The following NEB variants were observed in gnomAD, a reference collection of about 807,000 sequenced individuals.
NEB encodes nemaline myopathy type 2.
A neutral mutation model predicts 952.2 loss-of-function variants in NEB; 512 were observed. That is an observed-to-expected ratio of 0.54 (90% CI 0.50 to 0.58). The LOEUF (loss-of-function observed/expected upper bound fraction) is 0.58. Among genes scored for constraint, NEB ranks in the 20% least tolerant of loss-of-function variants. NEB has a pLI of 0.00. For synonymous variants in NEB, 2,900 were observed against 3,149.8 expected, an observed-to-expected ratio of 0.92 and a Z score of 2.66; for missense variants, 8,428 against 9,231.1, an observed-to-expected ratio of 0.91 and a Z score of 3.56.
intron 143 of NEB, among the ~76,000 whole-genome samples, chr2:151,532,904 C>T (rs934259502): frequency 6.6e-6 from 1 of 152,092 alleles, no homozygotes; most frequent in East Asian, 1.9e-4. Flanking sequence ...TTATCAGAGA[C>T]ACTGTTAACC....
chr2:151,730,615 TG>T lies in NEB; in HGVS notation c.37-960del, dbSNP rs386418003. Among the ~76,000 whole-genome samples, 533 of 73,568 alleles carry T rather than the reference TG, an allele frequency of 7.2e-3. 47 individuals are homozygous for T. Among genetic ancestry groups the T allele is most frequent in the Admixed American group, 9.3e-3 (51 of 5,492 alleles). 48.3% of individuals were successfully genotyped at this position (73,568 alleles called of 152,430 possible). On this transcript the variant is annotated intron_variant, in intron 3 of 181. Transcript: ENST00000397345. ...ATGAAACACTTGGCTCATTTCTTAG[TG>T]AAAAAAAAAAAAAAAAAAAAAGGAT... is the stretch of plus-strand genomic sequence containing the variant.
Position 151,505,918 on chromosome 2 carries a change from C to T in NEB, c.23649+248G>A, listed in dbSNP as rs1210235329. ...ATATCCAGGAAGGTTGGTTCTTTGACTGTACCGGATTCTACCTTCTCACAA... is the reference window on the plus strand; with the variant it reads ...ATATCCAGGAAGGTTGGTTCTTTGATTGTACCGGATTCTACCTTCTCACAA... On this transcript the variant is annotated intron_variant, in intron 164 of 181. Transcript: ENST00000397345. 1.2e-5 allele frequency: 7 copies of T among 563,618 alleles called. No homozygotes were observed. In the African/African-American group the frequency reaches 1.3e-4, roughly 11 times the overall value. The allele number at this position is 563,618 out of a possible 1,614,324, so 34.9% of individuals were successfully genotyped here.
At chr2:151,640,784 G>A in intron 60 of NEB, 118 bp from the exon 61 acceptor site, 1 of 893,112 alleles carries the variant, frequency 1.1e-6, no homozygotes, top group Non-Finnish European at 1.6e-6. Context: ...TAAATTATAT[G>A]ATAGATGTAG....
At chr2:151,576,600 C>T (rs1276974762) in intron 105 of NEB, among the ~76,000 whole-genome samples, 2 of 134,422 alleles carry the variant, frequency 1.5e-5, no homozygotes, top group Admixed American at 8.0e-5. Context: ...GGCACAATCT[C>T]AGCTCACTAC....
intron 77 of NEB, 30 bp downstream of exon 77, chr2:151,614,246 C>A: frequency 6.2e-7 from 1 of 1,600,690 alleles, no homozygotes; most frequent in South Asian, 1.1e-5. Context: ...CTTTTCTAAA[C>A]CATTACTGAA....
Position 151,610,631 on chromosome 2 carries a change from A to G in NEB, c.11911-8T>C. ...TCCCTTGGTGTAAAGTTTCTAGGGA[A>G]GGGATAATAGACGACAGAAAATAAG... On this transcript the variant is annotated splice_polypyrimidine_tract_variant and splice_region_variant and intron_variant, in intron 79 of 181. Coordinates refer to ENST00000397345, the MANE Select transcript of NEB (RefSeq NM_001164508.2). 6.3e-7 allele frequency: 1 copy of G among 1,598,454 alleles called. No individual in the cohort carries two copies. The highest frequency in any genetic ancestry group is 8.6e-7 in the Non-Finnish European group (1 of 1,165,736).
intron 88 of NEB, among the ~76,000 whole-genome samples, chr2:151,601,110 T>C (rs1248983479): frequency 1.9e-4 from 15 of 79,510 alleles, no homozygotes; most frequent in Admixed American, 2.4e-4. Flanking sequence ...TCTTTTCTTT[T>C]TTTTTTTTTT....
At position 151,706,924 on chromosome 2, in the gene NEB, G is replaced by A; in HGVS notation, c.1109C>T (p.Pro370Leu). 1 of 1,606,832 alleles carries A rather than the reference G, an allele frequency of 6.2e-7. No homozygotes were observed. The highest frequency in any genetic ancestry group is 8.5e-7 in the Non-Finnish European group (1 of 1,176,176). ...TGCTGCCTTCAGCTGCCTAAGCTGT[G>A]GGTTCTCTGAAGCAGGAAGCACATT... ...DYNVLPASEN[P>L]QLRQLKAAGD... The change falls in exon 13 of 182, where the codon CCA becomes CTA. Residue 370 changes from proline to leucine, a missense_variant. Physicochemically the swap from Pro to Leu is moderately conservative, Grantham distance 98 (BLOSUM62 -3). Coordinates refer to ENST00000397345, the MANE Select transcript of NEB (RefSeq NM_001164508.2).
chr2:151,564,764 C>T (rs1207156923), intron 117 of NEB, among the ~76,000 whole-genome samples: 1 of 152,218 alleles, frequency 6.6e-6, no homozygotes, highest in African/African-American at 2.4e-5. Context: ...GTCTGTTCCC[C>T]TCACTTGCAC....
intron 125 of NEB, 128 bp from the exon 126 acceptor site, chr2:151,554,153 G>C: frequency 1.3e-6 from 1 of 798,428 alleles, no homozygotes. Context: ...GGTATTTTCT[G>C]ACATTTTCTA....
intron 153 of NEB, among the ~76,000 whole-genome samples, chr2:151,523,066 AT>A (rs1384144135): frequency 1.3e-5 from 2 of 152,204 alleles, no homozygotes; most frequent in African/African-American, 4.8e-5. Flanking sequence ...TTTCAACATC[AT>A]AGTCGTTTGT....
In NEB at chr2:151,672,617, C is replaced by G; in HGVS notation, c.4051G>C (p.Asp1351His). 1 of 1,613,972 alleles carries G rather than the reference C, an allele frequency of 6.2e-7. No homozygotes were observed. The highest frequency in any genetic ancestry group is 8.5e-7 in the Non-Finnish European group (1 of 1,179,856). The change falls in exon 37 of 182, where the codon GAT becomes CAT. Residue 1351 changes from aspartate (D) to histidine (H), a missense_variant. By Grantham distance (81) the Asp-to-His change is moderately conservative (BLOSUM62 -1). Coordinates refer to ENST00000397345, the MANE Select transcript of NEB (RefSeq NM_001164508.2). Reference sequence around the variant, plus strand: ...ATATAGTGGACCAGCTTGGGATCATCCTGGAGGCTTCTGAAACCCACATGC... The same window carrying G: ...ATATAGTGGACCAGCTTGGGATCATGCTGGAGGCTTCTGAAACCCACATGC... ...GKHVGFRSLQ[D>H]DPKLVHYMNV... is the part of the protein sequence containing the mutation.
chr2:151,512,593 C>T (rs974900207), intron 161 of NEB, 140 bp downstream of exon 161: 22 of 704,502 alleles, frequency 3.1e-5, no homozygotes, highest in African/African-American at 2.2e-4. Flanking sequence ...GGAATACAGA[C>T]GTGAGCCACT....
chr2:151,651,370 C>T lies in NEB; in HGVS notation c.6916-485G>A, dbSNP rs563671419. Among the ~76,000 whole-genome samples, 7 of 152,246 alleles carry T rather than the reference C, an allele frequency of 4.6e-5. No homozygotes were observed. The East Asian group carries it at 7.7e-4, about 17-fold the overall frequency. On this transcript the variant is annotated intron_variant, in intron 52 of 181. Transcript: ENST00000397345. ...ATTCTTATGGAAATGATAATCCTTA[C>T]GGGCTAAATGGCAGAAAAATCAGGA...
intron 71 of NEB, among the ~76,000 whole-genome samples, chr2:151,622,425 G>A (rs2154031857): frequency 6.6e-6 from 1 of 152,234 alleles, no homozygotes; most frequent in East Asian, 1.9e-4. Flanking sequence ...TTTAATGTAT[G>A]TTTTAATATT....
chr2:151,697,325 G>C, intron 15 of NEB, 25 bp downstream of exon 15: 1 of 1,610,606 alleles, frequency 6.2e-7, no homozygotes, highest in Non-Finnish European at 8.5e-7. Context: ...TATTTGGAAA[G>C]TCAAACAATT....
chr2:151,650,759 T>C lies in NEB; in HGVS notation c.7042A>G (p.Lys2348Glu). Residue 2348 changes from lysine to glutamate, a missense_variant, in exon 53 of 182, where the codon AAG becomes GAG. By Grantham distance (56) the Lys-to-Glu change is moderately conservative (BLOSUM62 1). Coordinates refer to ENST00000397345, the MANE Select transcript of NEB (RefSeq NM_001164508.2). ...AKMQSEREYKKDFEKWKTKFS... is the reference protein window; with the variant it reads ...AKMQSEREYKEDFEKWKTKFS... ...TTAGTTTTCCACTTCTCAAAGTCCT[T>C]CTTGTATTCTCTTTCACTCTGCATT... 1 of 1,613,974 alleles carries C rather than the reference T, an allele frequency of 6.2e-7. No homozygotes were observed. The highest frequency in any genetic ancestry group is 8.5e-7 in the Non-Finnish European group (1 of 1,179,872).
rs2098273140 is a variant in NEB, at chr2:151,618,321, G to C, written c.11030C>G (p.Thr3677Ser). 1 of 1,613,848 alleles carries C rather than the reference G, an allele frequency of 6.2e-7. No homozygotes were observed. Among genetic ancestry groups the C allele is most frequent in the Non-Finnish European group, 8.5e-7 (1 of 1,179,872 alleles). The change falls in exon 74 of 182, where the codon ACT becomes AGT. Residue 3677 changes from threonine (T) to serine (S), a missense_variant. By Grantham distance (58) the Thr-to-Ser change is moderately conservative. Transcript: ENST00000397345. ...ETLKFTSITD[T>S]PEQVLAKNNA... The stretch of plus-strand genomic sequence containing the variant: ...GTTTTTTGCCAGCACCTGCTCCGGA[G>C]TGTCCGTTATACTGGTAAATTTCAG...
At chr2:151,512,693 G>T (rs752039321) in intron 161 of NEB, 40 bp downstream of exon 161, 4 of 1,360,366 alleles carry the variant, frequency 2.9e-6, no homozygotes, top group Admixed American at 1.7e-5. Context: ...ATTCTTTCAT[G>T]ATTGGGGTTT....
Sources: gnomAD v4.1 joint callset for allele counts (sites outside exome capture counted in the v4.1 genomes callset) on GRCh38, gnomAD v4.1.1 for gene constraint, MANE v1.5 for transcripts, NCBI Gene and HGNC (gene_info 2026-07-23, HGNC 2026-07-21) for gene names.